The following KLHL26 variants were observed in gnomAD, a reference collection of about 807,000 sequenced individuals.
The protein encoded by KLHL26 is kelch like family member 26, also known as kelch-like protein 26.
A neutral mutation model predicts 7.1 loss-of-function variants in KLHL26; 4 were observed. The ratio of observed to expected loss-of-function variants is 0.56; its 90% CI spans 0.28 to 1.28. The LOEUF (loss-of-function observed/expected upper bound fraction) is 1.28, where lower values mean the gene tolerates loss of function less well. Ranked by LOEUF, KLHL26 falls within the 50% of genes most tolerant of loss-of-function variation. KLHL26 has a pLI of 0.11. For missense variants in KLHL26, 896 were observed against 924.6 expected (o/e 0.97, Z 0.40); for synonymous variants, 465 against 414.1 (o/e 1.12, Z -1.49).
intron 1 of KLHL26, among the ~76,000 whole-genome samples, chr19:18,661,525 C>T: frequency 6.6e-6 from 1 of 152,170 alleles, no homozygotes; most frequent in Non-Finnish European, 1.5e-5. Context: ...CTTCCTTCCT[C>T]CTGCAGCCTT....
At chr19:18,665,079 CAA>C (rs1317644187) in intron 2 of KLHL26, among the ~76,000 whole-genome samples, 2 of 146,758 alleles carry the variant, frequency 1.4e-5, no homozygotes, top group Admixed American at 6.8e-5. Context: ...TTTTTTGAGA[CAA>C]AGTCTCGCTG....
chr19:18,660,227 G>A (rs1350237206), intron 1 of KLHL26, among the ~76,000 whole-genome samples: 1 of 152,198 alleles, frequency 6.6e-6, no homozygotes, highest in Non-Finnish European at 1.5e-5. Context: ...CACAGGCCTG[G>A]GCCTGGCTAG....
At chr19:18,665,486 C>T (rs1315499316) in intron 2 of KLHL26, among the ~76,000 whole-genome samples, 1 of 152,252 alleles carries the variant, frequency 6.6e-6, no homozygotes, top group Non-Finnish European at 1.5e-5. Flanking sequence ...TGGAGCAGGA[C>T]AGCTGGGGGA....
At chr19:18,643,573 G>A (rs1022001080) in intron 1 of KLHL26, among the ~76,000 whole-genome samples, 15 of 151,774 alleles carry the variant, frequency 9.9e-5, no homozygotes, top group Admixed American at 8.5e-4. Context: ...CCGCCTCCTG[G>A]GTTCAAGCGA....
intron 1 of KLHL26, among the ~76,000 whole-genome samples, chr19:18,655,410 C>T (rs2052319755): frequency 6.6e-6 from 1 of 152,214 alleles, no homozygotes; most frequent in South Asian, 2.1e-4. Context: ...TCGACCAGCA[C>T]CCGTGTGTTG....
At position 18,669,241 on chromosome 19, in the gene KLHL26, G is replaced by C. The variant is rs2052499249; in HGVS notation, c.1844G>C (p.Arg615Thr). The C allele has an allele frequency of 1.9e-6, 3 of 1,607,978 alleles. No individual in the cohort carries two copies. Among genetic ancestry groups the C allele is most frequent in the Non-Finnish European group, 2.5e-6 (3 of 1,179,404 alleles). Residue 615 changes from arginine (R) to threonine (T), a missense_variant, in exon 3 of 3, where the codon AGG becomes ACG. By Grantham distance (71) the Arg-to-Thr change is moderately conservative (BLOSUM62 -1). Transcript: ENST00000300976. Reference sequence around the variant, plus strand: ...CTGCTGCCCCGGGCCGGGACCAGGAGGTAGCCCCCAAGACCCCCGGGACCC... The same window carrying C: ...CTGCTGCCCCGGGCCGGGACCAGGACGTAGCCCCCAAGACCCCCGGGACCC... Reference protein sequence around the residue: ...PVLLPRAGTRR With the variant: ...PVLLPRAGTRT
intron 1 of KLHL26, among the ~76,000 whole-genome samples, chr19:18,655,751 C>CATGCTATGGAGGCAGAGAGCT (rs201405325): frequency 3.0e-4 from 45 of 152,016 alleles, no homozygotes; most frequent in African/African-American, 4.6e-4. Flanking sequence ...CCCTTGTCTT[C>CATGCTATGGAGGCAGAGAGCT]TGGGCCTTTG....
At chr19:18,658,210 G>C (rs1394087192) in intron 1 of KLHL26, among the ~76,000 whole-genome samples, 2 of 152,182 alleles carry the variant, frequency 1.3e-5, no homozygotes, top group Non-Finnish European at 2.9e-5. Context: ...GGATTTGTGA[G>C]GCTGCATGTG....
chr19:18,656,425 C>T lies in KLHL26; in HGVS notation c.84-7836C>T, dbSNP rs1247873050. On this transcript the variant is annotated intron_variant, in intron 1 of 2. Transcript: ENST00000300976. The surrounding 1 kb of genome is among the most constrained non-coding windows in gnomAD (Gnocchi z 4.4). Reference sequence around the variant, plus strand: ...CTCTCTGAGCCTTGGCGTCCCTGGCCGTCACTTGGCTGTCTGGGGGTGCCA... The same window carrying T: ...CTCTCTGAGCCTTGGCGTCCCTGGCTGTCACTTGGCTGTCTGGGGGTGCCA... 5.5e-5 allele frequency among the ~76,000 whole-genome samples: 4 copies of T among 72,456 alleles called. No individual in the cohort carries two copies. Among genetic ancestry groups the T allele is most frequent in the South Asian group, 3.4e-4 (1 of 2,900 alleles). The allele number at this position is 72,456 out of a possible 152,430, so 47.5% of individuals were successfully genotyped here.
Position 18,650,219 on chromosome 19 carries a change from G to A in KLHL26, c.83+13082G>A, listed in dbSNP as rs1409798491. Among the ~76,000 whole-genome samples the A allele has an allele frequency of 6.6e-6, 1 of 152,216 alleles. No individual in the cohort carries two copies. The highest frequency in any genetic ancestry group is 1.5e-5 in the Non-Finnish European group (1 of 68,038). ...GCGGTCTGGGCTGGATATCCGGAGA[G>A]TTCTGCTCTCCACGGGATGTTAGAA... On this transcript the variant is annotated intron_variant, in intron 1 of 2. Coordinates refer to ENST00000300976, the MANE Select transcript of KLHL26 (RefSeq NM_018316.3). This position sits in a 1 kb window ranked among gnomAD's most constrained non-coding sequence, Gnocchi z 4.2.
chr19:18,662,006 A>T (rs2052396379), intron 1 of KLHL26, among the ~76,000 whole-genome samples: 1 of 152,098 alleles, frequency 6.6e-6, no homozygotes, highest in Non-Finnish European at 1.5e-5. Flanking sequence ...CAGCCTCCCA[A>T]GTAGCTGGGA....
In KLHL26 at chr19:18,660,517, C is replaced by T. The variant is rs114696007; in HGVS notation, c.84-3744C>T. On this transcript the variant is annotated intron_variant, in intron 1 of 2. Coordinates refer to ENST00000300976, the MANE Select transcript of KLHL26 (RefSeq NM_018316.3). ...CCGCCTTCCTGGGGGCCTGTGGCCC[C>T]GCCGTGCCGGCCGCCCCCTGTCTGG... Among the ~76,000 whole-genome samples, 1,447 of 152,330 alleles carry T rather than the reference C, an allele frequency of 9.5e-3. 32 individuals carry two copies. Among genetic ancestry groups the T allele is most frequent in the African/African-American group, 0.032 (1,337 of 41,580 alleles).
rs758930564 is a variant in KLHL26 at position 18,667,811 on chromosome 19, C to A, written c.414C>A (p.Gly138=). 2.1e-5 allele frequency: 34 copies of A among 1,613,384 alleles called. No individual in the cohort carries two copies. Among genetic ancestry groups the A allele is most frequent in the South Asian group, 5.5e-5 (5 of 91,086 alleles). ...LDLDCVQDVL[G]AAVFLQMLPV... ...TGGACTGCGTGCAGGACGTGCTGGG[C>A]GCGGCCGTGTTCTTGCAGATGCTGC... The change falls in exon 3 of 3, where the codon GGC becomes GGA. Residue 138 remains glycine, a synonymous_variant. Coordinates refer to ENST00000300976, the MANE Select transcript of KLHL26 (RefSeq NM_018316.3).
chr19:18,645,485 G>A (rs1976786231), intron 1 of KLHL26, among the ~76,000 whole-genome samples: 1 of 152,110 alleles, frequency 6.6e-6, no homozygotes. Context: ...GGGGATCTGG[G>A]TGAGGGATGT....
intron 2 of KLHL26, chr19:18,667,422 T>G: frequency 3.4e-6 from 2 of 582,658 alleles, no homozygotes; most frequent in Non-Finnish European, 6.0e-6. Context: ...GTGCCAGTGG[T>G]CTCGATCTCC....
At chr19:18,658,784 CCTCT>C (rs894430705) in intron 1 of KLHL26, among the ~76,000 whole-genome samples, 5 of 147,402 alleles carry the variant, frequency 3.4e-5, no homozygotes, top group African/African-American at 1.3e-4. Flanking sequence ...TATCTGTCTT[CCTCT>C]CTCTCTGGGT....
At position 18,648,653 on chromosome 19, in the gene KLHL26, G is replaced by A. The variant is rs999534296; in HGVS notation, c.83+11516G>A. Among the ~76,000 whole-genome samples the A allele has an allele frequency of 3.9e-5, 6 of 152,184 alleles. No homozygotes were observed. The highest frequency in any genetic ancestry group is 2.0e-4 in the Admixed American group (3 of 15,276). On this transcript the variant is annotated intron_variant, in intron 1 of 2. Transcript: ENST00000300976. This position sits in a 1 kb window ranked among gnomAD's most constrained non-coding sequence, Gnocchi z 4.9. ...TCATGCCTCTCCTTGCTCAGGGTTC[G>A]TGCCACTTGGAGCTCCCACAGTCCT...
chr19:18,664,165 C>A, intron 1 of KLHL26, 96 bp from the exon 2 acceptor site: 1 of 1,205,038 alleles, frequency 8.3e-7, no homozygotes, highest in Non-Finnish European at 1.1e-6. Flanking sequence ...ACAGTGCGGC[C>A]TTTTGTGTCT....
At position 18,649,033 on chromosome 19, in the gene KLHL26, C is replaced by T. The variant is rs995310760; in HGVS notation, c.83+11896C>T. ...GTGACCCGCTGGGCCCCTGAGCTTC[C>T]GCAGCTCTGACGGCTCTGCTGGGCT... On this transcript the variant is annotated intron_variant, in intron 1 of 2. Transcript: ENST00000300976. The surrounding 1 kb of genome is among the most constrained non-coding windows in gnomAD (Gnocchi z 4.0). Among the ~76,000 whole-genome samples, 4 of 152,182 alleles carry T rather than the reference C, an allele frequency of 2.6e-5. No individual in the cohort carries two copies. The highest frequency in any genetic ancestry group is 6.5e-5 in the Admixed American group (1 of 15,280).
Sources: allele counts gnomAD v4.1 joint callset (sites outside exome capture counted in the v4.1 genomes callset), GRCh38; gene constraint gnomAD v4.1.1; non-coding constraint Gnocchi (gnomAD v3.1); transcripts MANE v1.5; gene names NCBI Gene and HGNC (gene_info 2026-07-23, HGNC 2026-07-21).